Variants in PLCG2 observed in about 807,000 individuals in gnomAD.
PLCG2 encodes 1-phosphatidylinositol 4,5-bisphosphate phosphodiesterase gamma-2.
Under a neutral mutation model 175.6 loss-of-function variants are expected in PLCG2, and 69 were observed. The ratio of observed to expected loss-of-function variants is 0.39; its 90% CI spans 0.32 to 0.48. The LOEUF (loss-of-function observed/expected upper bound fraction) is 0.48. Among genes scored for constraint, PLCG2 ranks in the 20% least tolerant of loss-of-function variants. The pLI, the probability that PLCG2 is intolerant of heterozygous loss-of-function variation, is 0.91. For synonymous variants in PLCG2, 827 were observed against 624.0 expected (o/e 1.33, Z -4.85); for missense variants, 1,798 against 1,650.9 (o/e 1.09, Z -1.54).
chr16:81,919,653 C>T lies in PLCG2; in HGVS notation c.2224C>T (p.Arg742Cys), dbSNP rs776768909. The T allele has an allele frequency of 1.7e-5, 27 of 1,613,520 alleles. No individual in the cohort carries two copies. The highest frequency in any genetic ancestry group is 1.7e-4 in the Middle Eastern group (1 of 6,060). ...RYPVTPELLE[R>C]YNMERDINSL... Reference sequence around the variant, plus strand: ...CCCCGTGACCCCCGAGCTCCTGGAGCGCTACAATATGGTAGGTGGTGGACT... The same window carrying T: ...CCCCGTGACCCCCGAGCTCCTGGAGTGCTACAATATGGTAGGTGGTGGACT... The change falls in exon 20 of 33, where the codon CGC (arginine) becomes TGC (cysteine). Residue 742 changes from arginine (R) to cysteine (C), a missense_variant. Transcript: ENST00000564138.
At chr16:81,893,679 T>A in intron 11 of PLCG2, 30 bp from the exon 12 acceptor site, 1 of 1,473,510 alleles carries the variant, frequency 6.8e-7, no homozygotes, top group Non-Finnish European at 9.5e-7. Context: ...GCTGCCACTC[T>A]CACACGGCCA....
chr16:81,790,618 T>C (rs1001358167), intron 2 of PLCG2, among the ~76,000 whole-genome samples: 18 of 152,154 alleles, frequency 1.2e-4, no homozygotes, highest in African/African-American at 4.3e-4. Flanking sequence ...CAGGTGCACA[T>C]GAGAGGAGCA....
intron 5 of PLCG2, among the ~76,000 whole-genome samples, chr16:81,864,927 C>T (rs1907155745): frequency 6.6e-6 from 1 of 152,168 alleles, no homozygotes; most frequent in Admixed American, 6.5e-5. Context: ...TGCCGTCCTT[C>T]TCCAAAGGGA....
intron 2 of PLCG2, among the ~76,000 whole-genome samples, chr16:81,762,630 A>G (rs933681565): frequency 9.9e-5 from 15 of 152,150 alleles, no homozygotes; most frequent in African/African-American, 3.1e-4. Flanking sequence ...ACAGAGTCCT[A>G]TAGATGAAAC....
intron 8 of PLCG2, among the ~76,000 whole-genome samples, chr16:81,883,005 C>T (rs575283173): frequency 1.7e-4 from 26 of 152,258 alleles, no homozygotes; most frequent in East Asian, 1.2e-3. Flanking sequence ...CTCTGGGGTG[C>T]ACCAGAGCTA....
At chr16:81,784,339 G>C (rs967688620) in intron 1 of PLCG2, among the ~76,000 whole-genome samples, 8 of 152,220 alleles carry the variant, frequency 5.3e-5, no homozygotes, top group African/African-American at 1.9e-4. Flanking sequence ...AATGCTGCAG[G>C]CTGTGCATAC....
At chr16:81,773,418 C>A (rs1910325963) in intron 2 of PLCG2, among the ~76,000 whole-genome samples, 1 of 152,160 alleles carries the variant, frequency 6.6e-6, no homozygotes, top group Admixed American at 6.5e-5. Context: ...TTCAGCAGTG[C>A]AGATTGGGAA....
At chr16:81,912,472 T>A in intron 18 of PLCG2, 125 bp from the exon 19 acceptor site, 3 of 1,188,286 alleles carry the variant, frequency 2.5e-6, no homozygotes, top group Non-Finnish European at 3.5e-6. Flanking sequence ...ACTGTGTGAT[T>A]TCCATGGTCG....
At position 81,953,745 on chromosome 16, in the gene PLCG2, CT is replaced by C. The variant is rs538842103; in HGVS notation, c.3571-2946del. On this transcript the variant is annotated intron_variant, in intron 31 of 32. Coordinates refer to ENST00000564138, the MANE Select transcript of PLCG2 (RefSeq NM_002661.5). ...GAGTTATTCACTAAACTGTTTCTATCTTTTACGTTCTTTTCTGAATGTGCAT... is the reference window on the plus strand; with the variant it reads ...GAGTTATTCACTAAACTGTTTCTATCTTTACGTTCTTTTCTGAATGTGCAT... Among the ~76,000 whole-genome samples, 4 of 152,244 alleles carry C rather than the reference CT, an allele frequency of 2.6e-5. No individual in the cohort carries two copies. In the East Asian group the frequency reaches 7.7e-4, roughly 29 times the overall value.
At chr16:81,841,357 T>A (rs556005703) in intron 2 of PLCG2, among the ~76,000 whole-genome samples, 1 of 152,150 alleles carries the variant, frequency 6.6e-6, no homozygotes, top group African/African-American at 2.4e-5. Flanking sequence ...CTCAGCCTCC[T>A]GAGTAGCTGG....
chr16:81,883,811 G>C (rs569147401), intron 9 of PLCG2, among the ~76,000 whole-genome samples: 7 of 152,320 alleles, frequency 4.6e-5, no homozygotes, highest in African/African-American at 1.7e-4. Flanking sequence ...GTGATGCCTG[G>C]GACAGTCTCC....
rs1413399217 is a variant in PLCG2 at position 81,895,213 on chromosome 16, G to C, written c.1073-594G>C. 5.9e-5 allele frequency among the ~76,000 whole-genome samples: 9 copies of C among 152,158 alleles called. 1 individual carries two copies. Among genetic ancestry groups the C allele is most frequent in the African/African-American group, 7.2e-5 (3 of 41,420 alleles). ...TTCCACGGGCAGAAAAGGCAGTCAAGGTTTTCAACAGGTAAAGTCAGAAAA... is the reference window on the plus strand; with the variant it reads ...TTCCACGGGCAGAAAAGGCAGTCAACGTTTTCAACAGGTAAAGTCAGAAAA... On this transcript the variant is annotated intron_variant, in intron 12 of 32. Coordinates refer to ENST00000564138, the MANE Select transcript of PLCG2 (RefSeq NM_002661.5).
At chr16:81,750,941 G>A (rs1171865728) in intron 1 of PLCG2, among the ~76,000 whole-genome samples, 3 of 145,184 alleles carry the variant, frequency 2.1e-5, no homozygotes, top group Non-Finnish European at 4.5e-5. Flanking sequence ...CCAAAGTGCT[G>A]GGATTACAGG....
intron 30 of PLCG2, among the ~76,000 whole-genome samples, chr16:81,940,377 G>T (rs1449233567): frequency 6.6e-6 from 1 of 152,098 alleles, no homozygotes; most frequent in African/African-American, 2.4e-5. Flanking sequence ...CCTAGCTAGG[G>T]CTAAGTCTGG....
chr16:81,914,149 G>C (rs1303468222), intron 19 of PLCG2, among the ~76,000 whole-genome samples: 3 of 152,226 alleles, frequency 2.0e-5, no homozygotes, highest in Admixed American at 1.3e-4. Context: ...CCCAGGTGGG[G>C]TGTTGGCACT....
intron 31 of PLCG2, among the ~76,000 whole-genome samples, chr16:81,953,364 G>A (rs1467672341): frequency 3.9e-5 from 6 of 152,132 alleles, no homozygotes; most frequent in Admixed American, 6.5e-5. Flanking sequence ...TTAACACTGT[G>A]GAGTCTAGGT....
chr16:81,775,517 C>A (rs1251628185), upstream of PLCG2, among the ~76,000 whole-genome samples: 5 of 152,134 alleles, frequency 3.3e-5, no homozygotes, highest in African/African-American at 9.7e-5. Context: ...GGGATGAGGG[C>A]TTTACCTCCC....
rs768748750 is a variant in PLCG2 at position 81,854,524 on chromosome 16, G to C, written c.274G>C (p.Glu92Gln). Residue 92 changes from glutamate (E) to glutamine (Q), a missense_variant, in exon 3 of 33, where the codon GAA becomes CAA. Glu to Gln is a conservative substitution (Grantham distance 29). Coordinates refer to ENST00000564138, the MANE Select transcript of PLCG2 (RefSeq NM_002661.5). ...GCGAGCAAAAGCAGTTCGCCAGAAA[G>C]AAGACTGCTGCTTCACCATCCTATA... is the stretch of plus-strand genomic sequence containing the variant. ...FERAKAVRQK[E>Q]DCCFTILYGT... The C allele has an allele frequency of 1.9e-6, 3 of 1,613,960 alleles. No individual in the cohort carries two copies. Among genetic ancestry groups the C allele is most frequent in the African/African-American group, 1.3e-5 (1 of 74,948 alleles).
At chr16:81,891,764 T>G (rs1021487946) in intron 11 of PLCG2, among the ~76,000 whole-genome samples, 174 bp downstream of exon 11, 3 of 152,268 alleles carry the variant, frequency 2.0e-5, no homozygotes, top group African/African-American at 7.2e-5. Context: ...GGAACACACT[T>G]CCCTTTGTCA....
Sources: allele counts gnomAD v4.1 joint callset (sites outside exome capture counted in the v4.1 genomes callset), GRCh38; gene constraint gnomAD v4.1.1; transcripts MANE v1.5; gene names NCBI Gene and HGNC (gene_info 2026-07-23, HGNC 2026-07-21).